The following SLC14A2 variants were observed in gnomAD, a reference collection of about 807,000 sequenced individuals.
SLC14A2 encodes solute carrier family 14 member 2, also known as urea transporter 2.
In SLC14A2, 91 loss-of-function variants were observed where a neutral mutation model predicts 104.6. The ratio of observed to expected loss-of-function variants is 0.87; its 90% confidence interval spans 0.73 to 1.04. SLC14A2 has a LOEUF of 1.04. Among genes scored for constraint, SLC14A2 ranks in the 50% least tolerant of loss-of-function variants. The pLI, the probability that SLC14A2 is intolerant of heterozygous loss-of-function variation, is 0.00. For missense variants in SLC14A2, 1,189 were observed against 1,156.0 expected (o/e 1.03, Z -0.41); for synonymous variants, 476 against 466.4 (o/e 1.02, Z -0.27).
chr18:45,632,445 TTC>T lies in SLC14A2; in HGVS notation c.619_620del (p.Leu207ValfsTer15), dbSNP rs778402111. The stretch of plus-strand genomic sequence containing the variant: ...GAGAAGTTAGACTACTACTGGTGGC[TTC>T]TGTTTCCTGTGACCTTCACAGCCAT... On this transcript the variant is annotated frameshift_variant, in exon 5 of 20. Transcript: ENST00000255226. LOFTEE classifies it high-confidence loss of function. 6.2e-7 allele frequency: 1 copy of T among 1,614,054 alleles called. No homozygotes were observed. Among genetic ancestry groups the T allele is most frequent in the Admixed American group, 1.7e-5 (1 of 60,026 alleles).
chr18:45,484,136 G>C (rs767266744), intron 2 of SLC14A2, among the ~76,000 whole-genome samples: 1 of 152,188 alleles, frequency 6.6e-6, no homozygotes, highest in Non-Finnish European at 1.5e-5. Context: ...CCTGCCAATT[G>C]TCTGTGTTTT....
At chr18:45,509,302 C>A (rs1366831897) in intron 2 of SLC14A2, among the ~76,000 whole-genome samples, 1 of 152,142 alleles carries the variant, frequency 6.6e-6, no homozygotes, top group Admixed American at 6.5e-5. Flanking sequence ...ATATATATCT[C>A]TCTCTCTGTC....
chr18:45,298,741 C>T (rs1348034302), intron 1 of SLC14A2, among the ~76,000 whole-genome samples: 19 of 152,168 alleles, frequency 1.2e-4, no homozygotes, highest in Admixed American at 1.2e-3. Flanking sequence ...CTCCTATACT[C>T]AGCCTTCTCT....
intron 1 of SLC14A2, among the ~76,000 whole-genome samples, chr18:45,301,586 T>C (rs559321161): frequency 1.3e-5 from 2 of 152,328 alleles, no homozygotes; most frequent in East Asian, 1.9e-4. Flanking sequence ...ACACCCACAT[T>C]TGTGCCTGCA....
At chr18:45,487,139 T>G (rs2087622381) in intron 2 of SLC14A2, among the ~76,000 whole-genome samples, 6 of 152,230 alleles carry the variant, frequency 3.9e-5, no homozygotes. Flanking sequence ...CCAGCAGTGC[T>G]GGGCTCCTTT....
chr18:45,359,680 G>T (rs769983354), intron 1 of SLC14A2, among the ~76,000 whole-genome samples: 2 of 152,184 alleles, frequency 1.3e-5, no homozygotes, highest in Admixed American at 6.5e-5. Flanking sequence ...GTGCAGAGGG[G>T]GAGCATCGCC....
At chr18:45,382,425 G>A (rs2085849026) in intron 1 of SLC14A2, among the ~76,000 whole-genome samples, 1 of 152,050 alleles carries the variant, frequency 6.6e-6, no homozygotes, top group Non-Finnish European at 1.5e-5. Context: ...AAAATATAGG[G>A]GAAGACTTCA....
rs1015926041 is a variant in SLC14A2, at chr18:45,663,916, G to A, written c.1474+9G>A. ...TCGGAGGAGGAGCAAAGGTGTGCAT[G>A]TCCTCCCCCTCACGCTTGGATCCCT... On this transcript the variant is annotated intron_variant, in intron 11 of 19. Coordinates refer to ENST00000255226, the MANE Select transcript of SLC14A2 (RefSeq NM_007163.4). 1.9e-6 allele frequency: 3 copies of A among 1,607,298 alleles called. No homozygotes were observed. The highest frequency in any genetic ancestry group is 2.5e-6 in the Non-Finnish European group (3 of 1,176,706).
intron 1 of SLC14A2, among the ~76,000 whole-genome samples, chr18:45,392,710 A>T (rs1399869777): frequency 6.6e-6 from 1 of 152,204 alleles, no homozygotes; most frequent in Admixed American, 6.5e-5. Flanking sequence ...AATAAAATAC[A>T]TATACAACTA....
chr18:45,673,635 G>T (rs186634041), intron 17 of SLC14A2, 48 bp from the exon 18 acceptor site: 4 of 1,583,840 alleles, frequency 2.5e-6, no homozygotes, highest in Non-Finnish European at 2.6e-6. Context: ...CAGCAGATGG[G>T]CCCCATAAGA....
intron 1 of SLC14A2, among the ~76,000 whole-genome samples, chr18:45,290,667 G>A (rs186628701): frequency 9.2e-5 from 14 of 152,294 alleles, no homozygotes; most frequent in East Asian, 3.9e-4. Flanking sequence ...AAGGCTTGAC[G>A]TGAGAAAGCA....
chr18:45,524,203 T>C (rs1303550196), intron 2 of SLC14A2, among the ~76,000 whole-genome samples: 1 of 152,220 alleles, frequency 6.6e-6, no homozygotes, highest in African/African-American at 2.4e-5. Flanking sequence ...CCTTAGACTG[T>C]GAGACTTGAC....
At chr18:45,237,152 A>G (rs938203091) in intron 1 of SLC14A2, among the ~76,000 whole-genome samples, 4 of 152,298 alleles carry the variant, frequency 2.6e-5, no homozygotes, top group Admixed American at 6.5e-5. Flanking sequence ...TTTGGTGGCA[A>G]TAGAAACAAA....
intron 1 of SLC14A2, among the ~76,000 whole-genome samples, chr18:45,214,906 C>T (rs1190886238): frequency 3.5e-5 from 4 of 114,578 alleles, no homozygotes; most frequent in Non-Finnish European, 6.9e-5. Context: ...TCTATCGGAC[C>T]ATGTCTTTAA....
chr18:45,545,818 C>T (rs1319195343), intron 2 of SLC14A2, among the ~76,000 whole-genome samples: 1 of 152,156 alleles, frequency 6.6e-6, no homozygotes, highest in Non-Finnish European at 1.5e-5. Context: ...TCAATAGGTA[C>T]ACATATCCCA....
At chr18:45,423,594 G>C (rs1232194859) in intron 1 of SLC14A2, among the ~76,000 whole-genome samples, 1 of 152,158 alleles carries the variant, frequency 6.6e-6, no homozygotes, top group East Asian at 1.9e-4. Context: ...GGTAAAAAAT[G>C]TGACTGACAA....
the SLC14A2 span, among the ~76,000 whole-genome samples, chr18:45,206,731 T>C: frequency 6.6e-6 from 1 of 152,244 alleles, no homozygotes; most frequent in Non-Finnish European, 1.5e-5. Flanking sequence ...CAGGTACTAG[T>C]TTGGGGAGTT....
At chr18:45,382,165 C>A (rs2085845613) in intron 1 of SLC14A2, among the ~76,000 whole-genome samples, 1 of 152,152 alleles carries the variant, frequency 6.6e-6, no homozygotes, top group Non-Finnish European at 1.5e-5. Flanking sequence ...GATTCTCTAG[C>A]TCTGAACTCT....
At chr18:45,519,288 G>A (rs185335732) in intron 2 of SLC14A2, among the ~76,000 whole-genome samples, 58 of 152,342 alleles carry the variant, frequency 3.8e-4, no homozygotes, top group Non-Finnish European at 2.9e-4. Context: ...AGGCAAGGTG[G>A]GGTGTGGAAG....
Sources: allele counts gnomAD v4.1 joint callset (sites outside exome capture counted in the v4.1 genomes callset), GRCh38; gene constraint gnomAD v4.1.1; transcripts MANE v1.5; gene names NCBI Gene and HGNC (gene_info 2026-07-23, HGNC 2026-07-21).